The following POLR3B variants were observed in gnomAD, a reference collection of about 807,000 sequenced individuals.
The protein encoded by POLR3B is DNA-directed RNA polymerase III subunit RPC2.
POLR3B carries 96 observed loss-of-function variants against 147.4 expected under a neutral mutation model. That is an observed-to-expected ratio of 0.65 (90% CI 0.55 to 0.77). The LOEUF (loss-of-function observed/expected upper bound fraction) is 0.77, where lower values mean the gene tolerates loss of function less well. POLR3B is among the 30% of genes least tolerant of loss of function. POLR3B has a pLI of 0.00. For synonymous variants in POLR3B, 461 were observed against 485.9 expected, an observed-to-expected ratio of 0.95 and a Z score of 0.67; for missense variants, 1,036 against 1,413.5, an observed-to-expected ratio of 0.73 and a Z score of 4.28.
At chr12:106,363,156 T>C (rs2036491014) in intron 1 of POLR3B, among the ~76,000 whole-genome samples, 1 of 152,204 alleles carries the variant, frequency 6.6e-6, no homozygotes, top group Non-Finnish European at 1.5e-5. Flanking sequence ...ATAGGTGATC[T>C]CATCCATCAC....
chr12:106,412,256 C>A (rs1397435132), intron 12 of POLR3B, among the ~76,000 whole-genome samples: 1 of 152,106 alleles, frequency 6.6e-6, no homozygotes, highest in Non-Finnish European at 1.5e-5. Context: ...CTGAAAACCT[C>A]TGAATCCTGC....
At position 106,405,893 on chromosome 12, in the gene POLR3B, A is replaced by G. The variant is rs774363956; in HGVS notation, c.883A>G (p.Arg295Gly). 4.1e-5 allele frequency: 66 copies of G among 1,613,126 alleles called. No homozygotes were observed. The highest frequency in any genetic ancestry group is 5.3e-5 in the Non-Finnish European group (63 of 1,179,120). The stretch of plus-strand genomic sequence containing the variant: ...TATAGGGAACAAAGTAAGAAGGCAA[A>G]GGATGTGGGGAGGTGGACCAAAGAA... The part of the protein sequence containing the change: ...KYIGNKVRRQ[R>G]MWGGGPKKTK... The change falls in exon 11 of 28, where the codon AGG becomes GGG. Residue 295 changes from arginine to glycine, a missense_variant. Transcript: ENST00000228347.
chr12:106,479,268 C>A (rs1296343282), intron 23 of POLR3B, among the ~76,000 whole-genome samples: 1 of 151,560 alleles, frequency 6.6e-6, no homozygotes, highest in African/African-American at 2.4e-5. Flanking sequence ...ATCTTTTTGC[C>A]TTCTTGTTTT....
At chr12:106,382,019 C>G (rs1362415320) in intron 9 of POLR3B, 1 of 152,244 alleles carries the variant, frequency 6.6e-6, no homozygotes, top group Non-Finnish European at 1.5e-5. Flanking sequence ...AGAGGTCACT[C>G]TCATCACCAT....
chr12:106,420,799 G>A (rs2037364387), intron 12 of POLR3B, among the ~76,000 whole-genome samples: 1 of 152,002 alleles, frequency 6.6e-6, no homozygotes, highest in Non-Finnish European at 1.5e-5. Flanking sequence ...TATATGTTAT[G>A]AAGGGTACAA....
chr12:106,493,727 C>T (rs1405567666), intron 23 of POLR3B, among the ~76,000 whole-genome samples: 1 of 152,158 alleles, frequency 6.6e-6, no homozygotes, highest in Non-Finnish European at 1.5e-5. Context: ...TCCATTGTTC[C>T]GCAAGTCAGC....
rs537667929 is a variant in POLR3B, at chr12:106,470,908, C to T, written c.2713+7288C>T. On this transcript the variant is annotated intron_variant, in intron 23 of 27. Coordinates refer to ENST00000228347, the MANE Select transcript of POLR3B (RefSeq NM_018082.6). ...GGAGGTGTCTCCCAGTCAGGCTACA[C>T]GGGGGTCAGGGACCTACTTGAGGAG... Among the ~76,000 whole-genome samples, 137 of 152,220 alleles carry T rather than the reference C, an allele frequency of 9.0e-4. 1 individual carries two copies. Among genetic ancestry groups the T allele is most frequent in the African/African-American group, 3.1e-3 (130 of 41,546 alleles).
chr12:106,403,727 A>G (rs889037610), intron 10 of POLR3B, among the ~76,000 whole-genome samples: 9 of 147,690 alleles, frequency 6.1e-5, no homozygotes, highest in East Asian at 2.0e-4. Flanking sequence ...ACCAAACACC[A>G]CATGTTCTCA....
intron 7 of POLR3B, 36 bp from the exon 8 acceptor site, chr12:106,378,231 A>G: frequency 7.9e-7 from 1 of 1,261,704 alleles, no homozygotes; most frequent in East Asian, 2.3e-5. Context: ...TGGTTGAGGA[A>G]TAAATGATGA....
chr12:106,480,448 A>G (rs1232559555), intron 23 of POLR3B, among the ~76,000 whole-genome samples: 1 of 152,130 alleles, frequency 6.6e-6, no homozygotes, highest in Non-Finnish European at 1.5e-5. Context: ...AGGGTGGGGC[A>G]GTGCTTAAGG....
intron 23 of POLR3B, among the ~76,000 whole-genome samples, chr12:106,477,891 CTT>C (rs34915594): frequency 0.075 from 5,219 of 69,670 alleles, 428 homozygotes; most frequent in African/African-American, 0.15. Flanking sequence ...GGCTCCTCCC[CTT>C]TTTTTTTTTT....
At chr12:106,393,446 G>C in intron 10 of POLR3B, among the ~76,000 whole-genome samples, 1 of 151,360 alleles carries the variant, frequency 6.6e-6, no homozygotes, top group Non-Finnish European at 1.5e-5. Flanking sequence ...ATTTGCCTGA[G>C]TGATAATATA....
intron 25 of POLR3B, 126 bp from the exon 26 acceptor site, chr12:106,501,197 G>A (rs2038594671): frequency 4.1e-6 from 3 of 725,188 alleles, no homozygotes; most frequent in Non-Finnish European, 7.6e-6. Flanking sequence ...ATTCACTACA[G>A]ACTGAAAATC....
chr12:106,405,975 CAGTG>C lies in POLR3B; in HGVS notation c.966+3_966+6del. The C allele has an allele frequency of 6.2e-7, 1 of 1,613,672 alleles. No homozygotes were observed. Among genetic ancestry groups the C allele is most frequent in the Non-Finnish European group, 8.5e-7 (1 of 1,179,708 alleles). ...GCTTCCACCATTCTGACCCATGTCC[CAGTG>C]AGTAACACTTCGTTATTGTGAATAA... is the stretch of plus-strand genomic sequence containing the variant. On this transcript the variant is annotated splice_donor_variant and splice_donor_region_variant and coding_sequence_variant and intron_variant, in exon 11 of 28. Transcript: ENST00000228347. LOFTEE classifies it high-confidence loss of function.
At position 106,442,093 on chromosome 12, in the gene POLR3B, G is replaced by A. The variant is rs10712888; in HGVS notation, c.1956-2370G>A. On this transcript the variant is annotated intron_variant, in intron 18 of 27. Transcript: ENST00000228347. ...GAAAATCCGCCTCAAAAAAAAAAAA[G>A]AAAGAAAGAAAGAAAGAAATCTCCC... Among the ~76,000 whole-genome samples, 459 of 72,938 alleles carry A rather than the reference G, an allele frequency of 6.3e-3. 21 individuals are homozygous for A. The highest frequency in any genetic ancestry group is 0.038 in the African/African-American group (237 of 6,218). 47.9% of individuals were successfully genotyped at this position (72,938 alleles called of 152,430 possible). A position where few individuals can be genotyped will look rare whatever the true frequency, so the allele number is the denominator to read the frequency against.
intron 9 of POLR3B, among the ~76,000 whole-genome samples, chr12:106,392,361 C>T (rs1184919503): frequency 1.3e-5 from 2 of 152,074 alleles, no homozygotes; most frequent in African/African-American, 4.8e-5. Flanking sequence ...TGAGGTTTCG[C>T]CACGTTGGCC....
intron 18 of POLR3B, among the ~76,000 whole-genome samples, chr12:106,439,402 C>T (rs910555307): frequency 1.2e-4 from 18 of 151,364 alleles, no homozygotes; most frequent in African/African-American, 4.1e-4. Context: ...TTTCTGTTTT[C>T]TGCTACCAAA....
chr12:106,371,481 C>T (rs1240470878), intron 6 of POLR3B, among the ~76,000 whole-genome samples: 2 of 151,992 alleles, frequency 1.3e-5, no homozygotes, highest in African/African-American at 4.8e-5. Context: ...TATAAAGACA[C>T]ATGCACACGT....
chr12:106,451,219 C>G (rs75598630), intron 19 of POLR3B, among the ~76,000 whole-genome samples: 11 of 151,964 alleles, frequency 7.2e-5, no homozygotes, highest in Admixed American at 7.2e-4. Context: ...GTGGTGGTTT[C>G]ACAGGCAATT....
Sources: gnomAD v4.1 joint callset for allele counts (sites outside exome capture counted in the v4.1 genomes callset) on GRCh38, gnomAD v4.1.1 for gene constraint, MANE v1.5 for transcripts, NCBI Gene and HGNC (gene_info 2026-07-23, HGNC 2026-07-21) for gene names.